MYLK: variants seen among roughly 807,000 people sequenced by gnomAD.
The protein encoded by MYLK is myosin light chain kinase, smooth muscle.
In MYLK, 106 loss-of-function variants were observed where a neutral mutation model predicts 203.4. The observed-to-expected ratio is 0.52, with a 90% CI of 0.45 to 0.61. MYLK has a LOEUF of 0.61. Ranked by LOEUF, MYLK falls within the 20% of genes least tolerant of loss-of-function variation. MYLK has a pLI of 0.00. For missense variants in MYLK, 2,072 were observed against 2,442.3 expected, an observed-to-expected ratio of 0.85 and a Z score of 3.20; for synonymous variants, 867 against 959.5, an observed-to-expected ratio of 0.90 and a Z score of 1.78.
chr3:123,848,039 T>G (rs1025768777), intron 2 of MYLK, among the ~76,000 whole-genome samples: 4 of 152,064 alleles, frequency 2.6e-5, no homozygotes, highest in African/African-American at 4.8e-5. Context: ...ACTATCAGTT[T>G]AAATTCTTTA....
intron 4 of MYLK, among the ~76,000 whole-genome samples, chr3:123,790,868 C>A (rs912904796): frequency 6.6e-6 from 1 of 152,154 alleles, no homozygotes; most frequent in Non-Finnish European, 1.5e-5. Flanking sequence ...ACCGTGGGCG[C>A]AACTTCACGG....
intron 3 of MYLK, among the ~76,000 whole-genome samples, chr3:123,828,183 T>C (rs1201620012): frequency 6.6e-6 from 1 of 152,074 alleles, no homozygotes; most frequent in Non-Finnish European, 1.5e-5. Context: ...GCTGGGGGTA[T>C]CACACTACTA....
chr3:123,765,818 C>T (rs945153726), intron 4 of MYLK, among the ~76,000 whole-genome samples: 7 of 152,118 alleles, frequency 4.6e-5, no homozygotes, highest in South Asian at 4.1e-4. Flanking sequence ...TAAAGTAAGA[C>T]GGTCACAAAT....
chr3:123,781,808 G>C (rs746203725), intron 4 of MYLK, among the ~76,000 whole-genome samples: 4 of 151,944 alleles, frequency 2.6e-5, no homozygotes, highest in Admixed American at 6.6e-5. Context: ...AGCCTACACA[G>C]TAGCCAGCTC....
chr3:123,626,752 T>A, intron 31 of MYLK, 66 bp downstream of exon 31: 2 of 1,612,206 alleles, frequency 1.2e-6, no homozygotes, highest in Non-Finnish European at 1.7e-6. Flanking sequence ...AAGCTGGGAA[T>A]GAAAGTGGCT....
At chr3:123,698,221 G>A (rs542475208) in intron 18 of MYLK, among the ~76,000 whole-genome samples, 1 of 152,260 alleles carries the variant, frequency 6.6e-6, no homozygotes, top group East Asian at 1.9e-4. Flanking sequence ...AGACCCTGAA[G>A]CCCATGGGCA....
chr3:123,822,634 A>G (rs936122992), intron 3 of MYLK, among the ~76,000 whole-genome samples: 6 of 152,138 alleles, frequency 3.9e-5, no homozygotes, highest in Admixed American at 1.3e-4. Context: ...TTCTATGACC[A>G]CGTTTGTGGG....
At chr3:123,859,792 C>T (rs2031731276) in intron 2 of MYLK, among the ~76,000 whole-genome samples, 1 of 152,084 alleles carries the variant, frequency 6.6e-6, no homozygotes, top group Non-Finnish European at 1.5e-5. Flanking sequence ...AATGAGATAG[C>T]GTGTATTACC....
chr3:123,836,455 T>C (rs997670278), intron 2 of MYLK, among the ~76,000 whole-genome samples: 2 of 152,224 alleles, frequency 1.3e-5, no homozygotes, highest in Admixed American at 1.3e-4. Context: ...TACACCTTGC[T>C]TTATTTTGCT....
At chr3:123,827,068 T>C (rs2066144009) in intron 3 of MYLK, among the ~76,000 whole-genome samples, 1 of 152,112 alleles carries the variant, frequency 6.6e-6, no homozygotes, top group Admixed American at 6.5e-5. Context: ...CAGAATCCAA[T>C]CATAAGGAAA....
intron 3 of MYLK, among the ~76,000 whole-genome samples, chr3:123,826,620 T>C (rs185982686): frequency 1.7e-4 from 26 of 152,342 alleles, no homozygotes; most frequent in Middle Eastern, 6.8e-3. Flanking sequence ...TGCATGCTCA[T>C]GCTCCTGGCC....
rs189692159 is a variant in MYLK at position 123,841,837 on chromosome 3, A to G, written c.-126-10167T>C. On this transcript the variant is annotated intron_variant, in intron 2 of 33. Coordinates refer to ENST00000360304, the MANE Select transcript of MYLK (RefSeq NM_053025.4). ...AACATTTGTACCCAAGGAGCTAATC[A>G]GAAAAAATCTACTTAAATCATCCAA... Among the ~76,000 whole-genome samples, 944 of 152,318 alleles carry G rather than the reference A, an allele frequency of 6.2e-3. 14 individuals are homozygous for G. The highest frequency in any genetic ancestry group is 0.022 in the African/African-American group (900 of 41,576).
intron 11 of MYLK, among the ~76,000 whole-genome samples, chr3:123,727,828 ATTG>A (rs759474061): frequency 3.3e-5 from 5 of 152,184 alleles, no homozygotes; most frequent in Admixed American, 1.3e-4. Context: ...AGAGTAAATC[ATTG>A]TTAGATCAGA....
intron 18 of MYLK, among the ~76,000 whole-genome samples, chr3:123,696,984 G>C (rs1250378898): frequency 6.6e-6 from 1 of 152,226 alleles, no homozygotes; most frequent in Non-Finnish European, 1.5e-5. Context: ...CCTCTGGCCT[G>C]TCTTCGGGGC....
chr3:123,793,690 T>C lies in MYLK; in HGVS notation c.152A>G (p.Lys51Arg), dbSNP rs753454689. The C allele has an allele frequency of 6.2e-7, 1 of 1,614,126 alleles. No individual in the cohort carries two copies. Among genetic ancestry groups the C allele is most frequent in the South Asian group, 1.1e-5 (1 of 91,074 alleles). The change falls in exon 4 of 34, where the codon AAG (lysine) becomes AGG (arginine). Residue 51 changes from lysine to arginine, a missense_variant. Lys to Arg is a conservative substitution (Grantham distance 26). Transcript: ENST00000360304. ...CACACTTCTTACCCGCCCTTCGAAC[T>C]TGGCGGTGGCTCCTTCTTTGATGCA... is the stretch of plus-strand genomic sequence containing the variant. Reference protein sequence around the residue: ...NLCIKEGATAKFEGRVRGYPE... With the variant: ...NLCIKEGATARFEGRVRGYPE...
intron 19 of MYLK, among the ~76,000 whole-genome samples, chr3:123,682,910 C>A (rs1360127109): frequency 2.6e-5 from 4 of 152,188 alleles, no homozygotes; most frequent in African/African-American, 9.6e-5. Context: ...CCCCAACAGG[C>A]CCAGTGAAGC....
At chr3:123,848,478 T>A (rs1243342184) in intron 2 of MYLK, among the ~76,000 whole-genome samples, 22 of 152,128 alleles carry the variant, frequency 1.4e-4, no homozygotes, top group Non-Finnish European at 2.9e-4. Context: ...CATACCCTTA[T>A]TTGGTTTGGG....
chr3:123,753,427 A>G (rs1466142729), intron 4 of MYLK, among the ~76,000 whole-genome samples: 1 of 150,346 alleles, frequency 6.7e-6, no homozygotes, highest in Non-Finnish European at 1.5e-5. Context: ...ACATTTGCTG[A>G]GTGCTAAGGG....
Position 123,692,837 on chromosome 3 carries a change from C to G in MYLK, c.3463G>C (p.Val1155Leu). The G allele has an allele frequency of 6.2e-7, 1 of 1,613,880 alleles. No homozygotes were observed. The highest frequency in any genetic ancestry group is 8.5e-7 in the Non-Finnish European group (1 of 1,179,914). Residue 1155 changes from valine to leucine, a missense_variant, in exon 19 of 34, where the codon GTC (valine) becomes CTC (leucine). Transcript: ENST00000360304. The part of the protein sequence containing the change: ...ILSQEGSLCS[V>L]SIEKALPEDR... Reference sequence around the variant, plus strand: ...TCAGGCAGTGCCTTCTCGATGGAGACGGAGCAGAGTGAGCCTGGGGAGGAA... The same window carrying G: ...TCAGGCAGTGCCTTCTCGATGGAGAGGGAGCAGAGTGAGCCTGGGGAGGAA...
Sources: allele counts gnomAD v4.1 joint callset (sites outside exome capture counted in the v4.1 genomes callset), GRCh38; gene constraint gnomAD v4.1.1; transcripts MANE v1.5; gene names NCBI Gene and HGNC (gene_info 2026-07-23, HGNC 2026-07-21).